The following IL1RL2 variants were observed in gnomAD, a reference collection of about 807,000 sequenced individuals.
The protein encoded by IL1RL2 is interleukin 1 receptor like 2, also known as interleukin-1 receptor-like 2.
In IL1RL2, 68 loss-of-function variants were observed where a neutral mutation model predicts 66.8. The ratio of observed to expected loss-of-function variants is 1.02; its 90% CI spans 0.84 to 1.25. The LOEUF (loss-of-function observed/expected upper bound fraction) is 1.25. IL1RL2 is among the 50% of genes most tolerant of loss of function. The pLI is 0.00. For synonymous variants in IL1RL2, 305 were observed against 264.6 expected (o/e 1.15, Z -1.48); for missense variants, 729 against 709.3 (o/e 1.03, Z -0.32).
chr2:102,225,265 G>T (rs1690499986), intron 8 of IL1RL2, among the ~76,000 whole-genome samples: 1 of 152,202 alleles, frequency 6.6e-6, no homozygotes, highest in South Asian at 2.1e-4. Context: ...ACAGGCTAGG[G>T]TGTAAACATT....
intron 5 of IL1RL2, among the ~76,000 whole-genome samples, chr2:102,206,045 A>G (rs912018452): frequency 2.6e-5 from 4 of 152,058 alleles, no homozygotes; most frequent in African/African-American, 4.8e-5. Context: ...ATTCTTCAAT[A>G]TGCCAATTGC....
chr2:102,226,216 C>A (rs1690596937), intron 9 of IL1RL2, among the ~76,000 whole-genome samples, 175 bp downstream of exon 9: 1 of 152,222 alleles, frequency 6.6e-6, no homozygotes, highest in Non-Finnish European at 1.5e-5. Context: ...TCACCAGCAT[C>A]ATTTGGTCAG....
chr2:102,231,669 G>T (rs1691147756), intron 9 of IL1RL2, among the ~76,000 whole-genome samples: 1 of 151,836 alleles, frequency 6.6e-6, no homozygotes, highest in Non-Finnish European at 1.5e-5. Flanking sequence ...TAACTTCTGT[G>T]CATGTGGATG....
upstream of IL1RL2, chr2:102,187,018 A>G: frequency 7.8e-7 from 1 of 1,289,702 alleles, no homozygotes. Flanking sequence ...AAGTGGCATG[A>G]CAGGGCTCGT....
chr2:102,218,865 G>C (rs1689844493), intron 6 of IL1RL2, 88 bp from the exon 7 acceptor site: 2 of 1,140,008 alleles, frequency 1.8e-6, no homozygotes, highest in South Asian at 2.7e-5. Context: ...CGAGGCTCGA[G>C]AGTACGATGC....
At position 102,194,907 on chromosome 2, in the gene IL1RL2, A is replaced by AT. The variant is rs56052426; in HGVS notation, c.489+2798dup. Among the ~76,000 whole-genome samples the AT allele has an allele frequency of 7.2e-3, 1,061 of 147,938 alleles. 22 individuals are homozygous for AT. The highest frequency in any genetic ancestry group is 0.024 in the African/African-American group (951 of 40,066). On this transcript the variant is annotated intron_variant, in intron 4 of 11. Coordinates refer to ENST00000264257, the MANE Select transcript of IL1RL2 (RefSeq NM_003854.4). ...CGGGTTACCTTGTCCAGGAGGTATC[A>AT]TTTTTTTTTTTCTGTGAAAAGCCAA...
intron 3 of IL1RL2, among the ~76,000 whole-genome samples, chr2:102,189,604 C>G (rs902938982): frequency 2.6e-5 from 4 of 151,952 alleles, no homozygotes; most frequent in African/African-American, 9.7e-5. Flanking sequence ...TTTTCTTTTT[C>G]TTTTCTTTTT....
chr2:102,191,076 T>TATAAGA (rs1578085561), intron 3 of IL1RL2, among the ~76,000 whole-genome samples: 1 of 152,164 alleles, frequency 6.6e-6, no homozygotes, highest in East Asian at 1.9e-4. Flanking sequence ...AATATATTTT[T>TATAAGA]ACATTTATCT....
Position 102,235,073 on chromosome 2 carries a change from G to A in IL1RL2, c.1474G>A (p.Glu492Lys), listed in dbSNP as rs765122423. The change falls in exon 11 of 12, where the codon GAG becomes AAG. Residue 492 changes from glutamate (E) to lysine (K), a missense_variant. Coordinates refer to ENST00000264257, the MANE Select transcript of IL1RL2 (RefSeq NM_003854.4). Reference sequence around the variant, plus strand: ...TATTCTCATTGAGCTGGAGAAAATCGAGGACTACACAGTCATGCCAGAGTC... The same window carrying A: ...TATTCTCATTGAGCTGGAGAAAATCAAGGACTACACAGTCATGCCAGAGTC... ...KVILIELEKI[E>K]DYTVMPESIQ... 1.2e-5 allele frequency: 19 copies of A among 1,614,038 alleles called. No homozygotes were observed. Among genetic ancestry groups the A allele is most frequent in the African/African-American group, 5.3e-5 (4 of 74,902 alleles).
intron 4 of IL1RL2, among the ~76,000 whole-genome samples, chr2:102,195,618 T>TTTCTTTCTTTCC (rs1559530167): frequency 1.6e-3 from 27 of 16,392 alleles, no homozygotes; most frequent in African/African-American, 4.5e-3. Flanking sequence ...TCTTTCTTTC[T>TTTCTTTCTTTCC]TTCTTTCTTT....
rs70946680 is a variant in IL1RL2 at position 102,232,113 on chromosome 2, C to CTTT, written c.1136-839_1136-837dup. On this transcript the variant is annotated intron_variant, in intron 9 of 11. Coordinates refer to ENST00000264257, the MANE Select transcript of IL1RL2 (RefSeq NM_003854.4). ...TCATAGCTCACTGCATCCTTGAACTCTTTTTTTTTTTTTCCGAGACAGAGT... is the reference window on the plus strand; with the variant it reads ...TCATAGCTCACTGCATCCTTGAACTCTTTTTTTTTTTTTTTTCCGAGACAGAGT... 6.5e-4 allele frequency among the ~76,000 whole-genome samples: 94 copies of CTTT among 144,308 alleles called. 1 individual carries two copies. Among genetic ancestry groups the CTTT allele is most frequent in the African/African-American group, 1.4e-3 (55 of 39,156 alleles). The allele number at this position is 144,308 out of a possible 152,430, so 94.7% of individuals were successfully genotyped here. A position where few individuals can be genotyped will look rare whatever the true frequency, so the allele number is the denominator to read the frequency against.
intron 6 of IL1RL2, 126 bp from the exon 7 acceptor site, chr2:102,218,827 G>T: frequency 1.3e-6 from 1 of 780,588 alleles, no homozygotes; most frequent in Non-Finnish European, 2.0e-6. Context: ...TTTGCCTAGG[G>T]GGCTATTTCT....
intron 6 of IL1RL2, among the ~76,000 whole-genome samples, chr2:102,212,375 C>T (rs1378769983): frequency 6.6e-6 from 1 of 152,096 alleles, no homozygotes; most frequent in Non-Finnish European, 1.5e-5. Context: ...GTTGTGGTAG[C>T]AGAGAAGTCT....
intron 2 of IL1RL2, 58 bp from the exon 3 acceptor site, chr2:102,189,018 A>G: frequency 1.5e-6 from 2 of 1,335,556 alleles, no homozygotes; most frequent in South Asian, 1.3e-5. Context: ...ACTAACAGTA[A>G]ATAAAACTGA....
chr2:102,220,043 G>C (rs759065854), intron 8 of IL1RL2, 26 bp downstream of exon 8: 22 of 1,559,854 alleles, frequency 1.4e-5, no homozygotes, highest in Non-Finnish European at 1.8e-5. Flanking sequence ...GTTACACACT[G>C]TTCAGAGTGT....
chr2:102,230,738 TG>T (rs1691053238), intron 9 of IL1RL2, among the ~76,000 whole-genome samples: 1 of 152,152 alleles, frequency 6.6e-6, no homozygotes, highest in Admixed American at 6.5e-5. Context: ...CAAGCATGGG[TG>T]TGCATGCATG....
chr2:102,188,758 T>G (rs35952417), intron 2 of IL1RL2, among the ~76,000 whole-genome samples: 15,498 of 151,634 alleles, frequency 0.1, 1,073 homozygotes, highest in African/African-American at 0.19. Context: ...ACTCTGTAGG[T>G]GAGTACAGAG....
intron 3 of IL1RL2, among the ~76,000 whole-genome samples, chr2:102,189,742 G>A (rs557715396): frequency 6.6e-6 from 1 of 152,202 alleles, no homozygotes; most frequent in South Asian, 2.1e-4. Flanking sequence ...CTCAGCTTCC[G>A]AAGTAGCTGG....
Position 102,220,015 on chromosome 2 carries a change from C to A in IL1RL2, c.989C>A (p.Pro330Gln). 1 of 1,609,094 alleles carries A rather than the reference C, an allele frequency of 6.2e-7. No homozygotes were observed. The highest frequency in any genetic ancestry group is 1.3e-5 in the African/African-American group (1 of 74,966). Residue 330 changes from proline (P) to glutamine (Q), a missense_variant and splice_region_variant, in exon 8 of 12, where the codon CCA becomes CAA. By Grantham distance (76) the Pro-to-Gln change is moderately conservative. Coordinates refer to ENST00000264257, the MANE Select transcript of IL1RL2 (RefSeq NM_003854.4). ...ACAGCATACATTATATTACAGCTCC[C>A]AGGTAATACTCCAGTGGGTTACACA... ...VSTAYIILQL[P>Q]APDFRAYLIG...
Sources: gnomAD v4.1 joint callset for allele counts (sites outside exome capture counted in the v4.1 genomes callset) on GRCh38, gnomAD v4.1.1 for gene constraint, MANE v1.5 for transcripts, NCBI Gene and HGNC (gene_info 2026-07-23, HGNC 2026-07-21) for gene names.